DDX27: variants seen among roughly 807,000 people sequenced by gnomAD.
DDX27 encodes DEAD-box helicase 27.
A neutral mutation model predicts 99.3 loss-of-function variants in DDX27; 42 were observed. That is an observed-to-expected ratio of 0.42 (90% confidence interval 0.33 to 0.55). DDX27 has a LOEUF of 0.55. Among genes scored for constraint, DDX27 ranks in the 20% least tolerant of loss-of-function variants. DDX27 has a pLI of 0.07. For missense variants in DDX27, 798 were observed against 976.8 expected (o/e 0.82, Z 2.44); for synonymous variants, 329 against 353.8 (o/e 0.93, Z 0.79).
At chr20:49,243,401 G>A (rs1175910235) in intron 19 of DDX27, among the ~76,000 whole-genome samples, 1 of 152,196 alleles carries the variant, frequency 6.6e-6, no homozygotes, top group Non-Finnish European at 1.5e-5. Context: ...TTCCCAAGTA[G>A]TGGTATATAC....
At chr20:49,233,865 T>C in intron 11 of DDX27, 156 bp downstream of exon 11, 1 of 770,962 alleles carries the variant, frequency 1.3e-6, no homozygotes, top group Admixed American at 2.8e-5. Flanking sequence ...GCTGCCTCTC[T>C]TCTCCACGGG....
At position 49,223,282 on chromosome 20, in the gene DDX27, G is replaced by A; in HGVS notation, c.315G>A (p.Lys105=). ...KKRKTEDKEA[K]SGKLEKEKEA... is the part of the protein sequence containing the mutation. Reference sequence around the variant, plus strand: ...TTTTTTCCCAGGATAAAGAAGCCAAGTCTGGGAAGTTGGAAAAGGAGAAAG... The same window carrying A: ...TTTTTTCCCAGGATAAAGAAGCCAAATCTGGGAAGTTGGAAAAGGAGAAAG... Residue 105 remains lysine (K), a synonymous_variant, in exon 4 of 21, where the codon AAG becomes AAA. Coordinates refer to ENST00000618172, the MANE Select transcript of DDX27 (RefSeq NM_017895.8). 1.2e-6 allele frequency: 2 copies of A among 1,610,398 alleles called. No homozygotes were observed. The highest frequency in any genetic ancestry group is 1.1e-5 in the South Asian group (1 of 90,328).
chr20:49,225,911 C>T (rs150470845), intron 6 of DDX27, among the ~76,000 whole-genome samples: 2 of 152,302 alleles, frequency 1.3e-5, no homozygotes, highest in Admixed American at 6.5e-5. Context: ...CCTCCTGGCA[C>T]TCGTTCTGCT....
chr20:49,233,932 C>T, intron 11 of DDX27: 1 of 515,614 alleles, frequency 1.9e-6, no homozygotes, highest in Non-Finnish European at 3.5e-6. Context: ...TGTTCAACTC[C>T]CAACCACTTG....
At position 49,233,628 on chromosome 20, in the gene DDX27, A is replaced by C; in HGVS notation, c.1192A>C (p.Thr398Pro). 1.9e-6 allele frequency: 3 copies of C among 1,614,078 alleles called. No homozygotes were observed. Among genetic ancestry groups the C allele is most frequent in the Non-Finnish European group, 2.5e-6 (3 of 1,179,946 alleles). Residue 398 changes from threonine to proline, a missense_variant, in exon 11 of 21, where the codon ACA becomes CCA. This residue lies in a region of DDX27 where 553 missense variants were observed against 727.9 expected (regional missense o/e 0.76). Coordinates refer to ENST00000618172, the MANE Select transcript of DDX27 (RefSeq NM_017895.8). ...NPVRIFVNSN[T>P]DVAPFLRQEF... ...TGTCCGGATATTTGTGAACAGCAAC[A>C]CAGATGTGGCTCCCTTCCTGCGGCA...
chr20:49,233,379 C>T lies in DDX27; in HGVS notation c.1105C>T (p.Leu369Phe). Residue 369 changes from leucine to phenylalanine, a missense_variant, in exon 10 of 21, where the codon CTC (leucine) becomes TTC (phenylalanine). Physicochemically the swap from Leu to Phe is conservative, Grantham distance 22 (BLOSUM62 0). This residue lies in a region of DDX27 where 553 missense variants were observed against 727.9 expected (regional missense o/e 0.76). Transcript: ENST00000618172. ...GTGTTCCCACCACCGCCAGACCATG[C>T]TCTTCTCGGCCACCATGACAGACGA... is the stretch of plus-strand genomic sequence containing the variant. ...RMCSHHRQTMLFSATMTDEVK... is the reference protein window; with the variant it reads ...RMCSHHRQTMFFSATMTDEVK... 1 of 1,614,042 alleles carries T rather than the reference C, an allele frequency of 6.2e-7. No homozygotes were observed. The highest frequency in any genetic ancestry group is 8.5e-7 in the Non-Finnish European group (1 of 1,180,016).
chr20:49,219,471 T>C lies in DDX27; in HGVS notation c.23T>C (p.Ile8Thr). MLADLGL[I>T]GTIGEDDEVP... The stretch of plus-strand genomic sequence containing the variant: ...AACATGCTTGCGGACCTCGGCTTAA[T>C]CGGAACCATAGGCGAGGATGACGAG... Residue 8 changes from isoleucine (I) to threonine (T), a missense_variant, in exon 1 of 21, where the codon ATC (isoleucine) becomes ACC (threonine). Coordinates refer to ENST00000618172, the MANE Select transcript of DDX27 (RefSeq NM_017895.8). 6.2e-7 allele frequency: 1 copy of C among 1,613,942 alleles called. No homozygotes were observed. The highest frequency in any genetic ancestry group is 1.1e-5 in the South Asian group (1 of 91,062).
At chr20:49,242,800 C>G (rs1980525130) in intron 19 of DDX27, 119 bp downstream of exon 19, 3 of 915,172 alleles carry the variant, frequency 3.3e-6, no homozygotes, top group Admixed American at 5.2e-5. Flanking sequence ...TAGCTCACTG[C>G]AAGCTCCACC....
At chr20:49,241,001 T>G (rs1432604381) in intron 16 of DDX27, among the ~76,000 whole-genome samples, 1 of 152,080 alleles carries the variant, frequency 6.6e-6, no homozygotes, top group Admixed American at 6.6e-5. Context: ...GGCGGCAGAA[T>G]GAGACCCCGA....
At chr20:49,238,221 G>T (rs889721110) in intron 14 of DDX27, 3 of 152,186 alleles carry the variant, frequency 2.0e-5, no homozygotes, top group African/African-American at 7.2e-5. Context: ...GTTTCACCAT[G>T]TTGTCCAGGA....
At chr20:49,221,808 C>CTTTTT (rs11475081) in intron 2 of DDX27, among the ~76,000 whole-genome samples, 1 of 132,170 alleles carries the variant, frequency 7.6e-6, no homozygotes, top group African/African-American at 2.8e-5. Context: ...GACTCACTGT[C>CTTTTT]TTTTTTTTTT....
chr20:49,223,644 G>T (rs1303279758), intron 4 of DDX27, among the ~76,000 whole-genome samples: 7 of 151,636 alleles, frequency 4.6e-5, no homozygotes, highest in African/African-American at 1.7e-4. Context: ...ACTTTGGGAG[G>T]CTGAGGTGGG....
At chr20:49,239,431 G>A in intron 16 of DDX27, 93 bp downstream of exon 16, 1 of 908,430 alleles carries the variant, frequency 1.1e-6, no homozygotes, top group Non-Finnish European at 1.6e-6. Flanking sequence ...TAAAGCAGCG[G>A]TCCCCAACCT....
At chr20:49,226,608 A>G (rs1979897371) in intron 7 of DDX27, 73 bp downstream of exon 7, 2 of 1,054,908 alleles carry the variant, frequency 1.9e-6, no homozygotes, top group Non-Finnish European at 2.8e-6. Context: ...TGACTTACCA[A>G]AGGCTGGTTT....
chr20:49,228,895 T>A lies in DDX27; in HGVS notation c.880+7T>A. On this transcript the variant is annotated splice_region_variant and intron_variant, in intron 8 of 20. Transcript: ENST00000618172. ...ACCACCTGCCTGGCTGTGGGTGAGT[T>A]TCTGGCCAAGGGCTGCCAGCCCCTG... 1 of 1,581,096 alleles carries A rather than the reference T, an allele frequency of 6.3e-7. No individual in the cohort carries two copies. Among genetic ancestry groups the A allele is most frequent in the Non-Finnish European group, 8.6e-7 (1 of 1,158,148 alleles).
intron 9 of DDX27, among the ~76,000 whole-genome samples, chr20:49,233,011 A>G (rs1411768111): frequency 1.3e-5 from 2 of 151,932 alleles, no homozygotes; most frequent in Non-Finnish European, 2.9e-5. Context: ...CACGCACTTG[A>G]AAGTCTTGGG....
chr20:49,229,082 G>A (rs1003816614), intron 8 of DDX27, among the ~76,000 whole-genome samples, 194 bp downstream of exon 8: 2 of 147,616 alleles, frequency 1.4e-5, no homozygotes, highest in Admixed American at 6.9e-5. Context: ...CTGTCGCCCA[G>A]GCTGGAGTGC....
chr20:49,224,302 T>A (rs1047687470), intron 4 of DDX27, among the ~76,000 whole-genome samples: 2 of 152,042 alleles, frequency 1.3e-5, no homozygotes, highest in East Asian at 3.8e-4. Flanking sequence ...ACAAACTCAT[T>A]TGGGGTGACA....
At chr20:49,235,269 A>G in intron 12 of DDX27, 181 bp downstream of exon 12, 1 of 585,718 alleles carries the variant, frequency 1.7e-6, no homozygotes, top group Non-Finnish European at 2.7e-6. Flanking sequence ...TTAGAACTCT[A>G]ACTTCATAGT....
Sources: allele counts gnomAD v4.1 joint callset (sites outside exome capture counted in the v4.1 genomes callset), GRCh38; gene constraint gnomAD v4.1.1; regional missense constraint gnomAD v4.1.1; transcripts MANE v1.5; gene names NCBI Gene and HGNC (gene_info 2026-07-23, HGNC 2026-07-21).